Variants in ADSL observed in about 807,000 individuals in gnomAD.
ADSL encodes the protein adenylosuccinase.
Under a neutral mutation model 62.1 loss-of-function variants are expected in ADSL, and 44 were observed. The ratio of observed to expected loss-of-function variants is 0.71; its 90% confidence interval spans 0.56 to 0.91. ADSL has a LOEUF of 0.91. ADSL is among the 40% of genes least tolerant of loss of function. The pLI is 0.00. For synonymous variants in ADSL, 198 were observed against 220.5 expected (o/e 0.90, Z 0.90); for missense variants, 531 against 627.4 (o/e 0.85, Z 1.64).
At chr22:40,364,473 A>G (rs1321778756) in intron 11 of ADSL, 108 bp downstream of exon 11, 3 of 955,720 alleles carry the variant, frequency 3.1e-6, no homozygotes, top group Non-Finnish European at 4.9e-6. Context: ...ACCTTCAGTC[A>G]CAGTAATGGT....
chr22:40,361,686 G>A (rs751500804), intron 9 of ADSL, 51 bp downstream of exon 9: 13 of 1,597,724 alleles, frequency 8.1e-6, no homozygotes, highest in African/African-American at 2.7e-5. Context: ...AGGTCTGAAG[G>A]AGGGACCTAG....
Position 40,366,927 on chromosome 22 carries a change from C to T in ADSL, c.*405C>T, listed in dbSNP as rs928146463. On this transcript the variant is annotated 3_prime_UTR_variant, in exon 13 of 13. Transcript: ENST00000623063. ...GTCAATGGTCAGATACCTTTTATTT[C>T]GGTTATTTTTGGCTAGTATAAGTGA... is the stretch of plus-strand genomic sequence containing the variant. The T allele has an allele frequency of 1.1e-5, 2 of 178,984 alleles. No homozygotes were observed. The highest frequency in any genetic ancestry group is 5.9e-5 in the Admixed American group (1 of 16,956). The allele number at this position is 178,984 out of a possible 1,614,324, so 11.1% of individuals were successfully genotyped here. A position where few individuals can be genotyped will look rare whatever the true frequency, so the allele number is the denominator to read the frequency against.
chr22:40,361,625 A>G lies in ADSL; in HGVS notation c.1000A>G (p.Ser334Gly). The change falls in exon 9 of 13, where the codon AGT (serine) becomes GGT (glycine). Residue 334 changes from serine (S) to glycine (G), a missense_variant. Physicochemically the swap from Ser to Gly is moderately conservative, Grantham distance 56. This residue lies in a region of ADSL where 471 missense variants were observed against 592.9 expected (regional missense o/e 0.79). Coordinates refer to ENST00000623063, the MANE Select transcript of ADSL (RefSeq NM_000026.4). The part of the protein sequence containing the change: ...VQWFERTLDD[S>G]ANRRICLAEA... ...GTGGTTTGAACGCACACTGGATGAT[A>G]GTGCCAACCGGTCAGTGGCACAGGG... The G allele has an allele frequency of 1.2e-6, 2 of 1,613,662 alleles. No individual in the cohort carries two copies.
intron 2 of ADSL, chr22:40,376,663 C>A (rs918606952): frequency 6.6e-6 from 1 of 152,066 alleles, no homozygotes; most frequent in African/African-American, 2.4e-5. Context: ...GTATTATGCC[C>A]ATTTACAGGT....
At chr22:40,377,502 ACACCTTTAACTTTTACAT>A (rs1165957093) in intron 2 of ADSL, among the ~76,000 whole-genome samples, 1 of 152,200 alleles carries the variant, frequency 6.6e-6, no homozygotes, top group East Asian at 1.9e-4. Flanking sequence ...TGCAGCTGAG[ACACCTTTAACTTTTACAT>A]GGCATGAGGT....
downstream of ADSL, among the ~76,000 whole-genome samples, chr22:40,370,986 C>T (rs2045327644): frequency 1.3e-5 from 2 of 152,220 alleles, no homozygotes; most frequent in Admixed American, 1.3e-4. Flanking sequence ...GAATCCACCG[C>T]GCTGGCAGCC....
At chr22:40,353,890 T>C (rs1366001617) in intron 3 of ADSL, 1 of 358,188 alleles carries the variant, frequency 2.8e-6, no homozygotes, top group Non-Finnish European at 5.3e-6. Context: ...CCTCACAAAG[T>C]GCTGGGATTA....
rs770663865 is a variant in ADSL at position 40,354,336 on chromosome 22, T to A, written c.482+9T>A. ...GGTTTCACACATTTCCAGTAAGTGA[T>A]AAGATTACTTCTTGTTTATGTGCAT... is the stretch of plus-strand genomic sequence containing the variant. On this transcript the variant is annotated intron_variant, in intron 4 of 12. Transcript: ENST00000623063. 1.4e-5 allele frequency: 22 copies of A among 1,609,092 alleles called. No individual in the cohort carries two copies. Among genetic ancestry groups the A allele is most frequent in the Non-Finnish European group, 1.9e-5 (22 of 1,175,314 alleles).
At chr22:40,349,187 A>G (rs757539318) in intron 1 of ADSL, among the ~76,000 whole-genome samples, 2 of 152,106 alleles carry the variant, frequency 1.3e-5, no homozygotes, top group African/African-American at 2.4e-5. Flanking sequence ...TCATGTGGTG[A>G]TAAGTGCTGT....
At chr22:40,354,453 G>T in intron 4 of ADSL, 126 bp downstream of exon 4, 2 of 824,584 alleles carry the variant, frequency 2.4e-6, no homozygotes, top group South Asian at 2.7e-5. Flanking sequence ...AGTAATTTGG[G>T]ATGCTTATAA....
intron 12 of ADSL, among the ~76,000 whole-genome samples, chr22:40,365,332 T>C (rs2044961799): frequency 1.3e-5 from 2 of 152,200 alleles, no homozygotes; most frequent in Admixed American, 6.5e-5. Context: ...TACCGCTGTT[T>C]TGAGCTGCCT....
At chr22:40,365,920 C>T (rs1199145578) in intron 12 of ADSL, among the ~76,000 whole-genome samples, 1 of 151,726 alleles carries the variant, frequency 6.6e-6, no homozygotes, top group Admixed American at 6.6e-5. Context: ...GAGCTCAAAA[C>T]TTAGTGGTGA....
In ADSL at chr22:40,364,276, G is replaced by C; in HGVS notation, c.1102G>C (p.Val368Leu). The C allele has an allele frequency of 6.2e-7, 1 of 1,613,712 alleles. No individual in the cohort carries two copies. Among genetic ancestry groups the C allele is most frequent in the Non-Finnish European group, 8.5e-7 (1 of 1,179,920 alleles). Residue 368 changes from valine to leucine, a missense_variant and splice_region_variant, in exon 11 of 13, where the codon GTA (valine) becomes CTA (leucine). Val to Leu is a conservative substitution (Grantham distance 32, BLOSUM62 1). Around this residue, in one of 2 missense-constraint regions of ADSL, gnomAD observed 471 missense variants for 592.9 expected, o/e 0.79. Transcript: ENST00000623063. The stretch of plus-strand genomic sequence containing the variant: ...TCATTCACCGTATCTTTTCCTATAG[G>C]TAATTGAACGGCGCATTCGGCAAGA... ...ISEGLVVYPKVIERRIRQELP... is the reference protein window; with the variant it reads ...ISEGLVVYPKLIERRIRQELP...
Position 40,348,727 on chromosome 22 carries a change from G to A in ADSL, c.154-1105G>A, listed in dbSNP as rs551146423. The A allele has an allele frequency of 2.5e-3, 1,011 of 397,144 alleles. 2 individuals carry two copies. Among genetic ancestry groups the A allele is most frequent in the Non-Finnish European group, 2.8e-3 (637 of 225,688 alleles). 24.6% of individuals were successfully genotyped at this position (397,144 alleles called of 1,614,324 possible). On this transcript the variant is annotated intron_variant, in intron 1 of 12. Transcript: ENST00000623063. ...TAATTAATCAATTTAAATTTAAATA[G>A]CCATATCTGGCTAGTAGCTCCTTTC... is the stretch of plus-strand genomic sequence containing the variant.
chr22:40,383,549 G>A (rs2047937541), intron 2 of ADSL, among the ~76,000 whole-genome samples: 1 of 151,950 alleles, frequency 6.6e-6, no homozygotes, highest in Non-Finnish European at 1.5e-5. Flanking sequence ...TGGTGTTTCA[G>A]AGCTAAGCAC....
In ADSL at chr22:40,385,878, TCTCA is replaced by T. The variant is rs1224301335; in HGVS notation, c.90-4348_90-4345del. ...ACTTTTTTTTTTCTTGAAGACCGGG[TCTCA>T]CTCTGGTTGCCCAGGCTGGAGTGCA... On this transcript the variant is annotated intron_variant, in intron 2 of 2. Transcript: ENST00000498234. 2.6e-5 allele frequency among the ~76,000 whole-genome samples: 4 copies of T among 151,956 alleles called. No individual in the cohort carries two copies. In the East Asian group the frequency reaches 5.8e-4, roughly 22 times the overall value.
At chr22:40,362,143 A>G (rs1488542584) in intron 9 of ADSL, among the ~76,000 whole-genome samples, 2 of 152,186 alleles carry the variant, frequency 1.3e-5, no homozygotes, top group African/African-American at 4.8e-5. Context: ...ATTAGTTATG[A>G]GATGAGTCAG....
At chr22:40,349,760 T>A in intron 1 of ADSL, 72 bp from the exon 2 acceptor site, 1 of 1,393,542 alleles carries the variant, frequency 7.2e-7, no homozygotes, top group Non-Finnish European at 1.0e-6. Flanking sequence ...ATCAGTTTTT[T>A]TTCCTTGGTG....
At chr22:40,370,229 G>A (rs2045170376), downstream of ADSL, among the ~76,000 whole-genome samples, 1 of 151,882 alleles carries the variant, frequency 6.6e-6, no homozygotes, top group Non-Finnish European at 1.5e-5. Context: ...GGTGGCGGGC[G>A]CCTGTAATCC....
Sources: gnomAD v4.1 joint callset for allele counts (sites outside exome capture counted in the v4.1 genomes callset) on GRCh38, gnomAD v4.1.1 for gene constraint, gnomAD v4.1.1 regional missense constraint, MANE v1.5 for transcripts, NCBI Gene and HGNC (gene_info 2026-07-23, HGNC 2026-07-21) for gene names.